Variants in NUSAP1 observed in about 807,000 individuals in gnomAD.
NUSAP1 encodes the protein nucleolar and spindle associated protein 1.
NUSAP1 carries 32 observed loss-of-function variants against 52.8 expected under a neutral mutation model. That is an observed-to-expected ratio of 0.61 (90% confidence interval 0.46 to 0.81). The LOEUF (loss-of-function observed/expected upper bound fraction) is 0.81, where lower values mean the gene tolerates loss of function less well. NUSAP1 is among the 40% of genes least tolerant of loss of function. The pLI, the probability that NUSAP1 is intolerant of heterozygous loss-of-function variation, is 0.00. For synonymous variants in NUSAP1, 195 were observed against 183.1 expected (o/e 1.06, Z -0.52); for missense variants, 499 against 522.3 (o/e 0.96, Z 0.43).
At position 41,351,032 on chromosome 15, in the gene NUSAP1, G is replaced by T. The variant is rs375966047; in HGVS notation, c.351G>T (p.Gln117His). The T allele has an allele frequency of 6.2e-7, 1 of 1,613,200 alleles. No homozygotes were observed. Among genetic ancestry groups the T allele is most frequent in the African/African-American group, 1.3e-5 (1 of 74,888 alleles). ...EIKISNPTEF[Q>H]NHEKQESQDL... ...AAATAAGTAATCCCACTGAATTCCAGAATCATGAAAAGCAGGAAAGCCAGG... is the reference window on the plus strand; with the variant it reads ...AAATAAGTAATCCCACTGAATTCCATAATCATGAAAAGCAGGAAAGCCAGG... The change falls in exon 4 of 11, where the codon CAG (glutamine) becomes CAT (histidine). Residue 117 changes from glutamine to histidine, a missense_variant. Gln to His is a conservative substitution (Grantham distance 24, BLOSUM62 0). Transcript: ENST00000559596.
chr15:41,348,593 A>G (rs2140606248), intron 2 of NUSAP1, among the ~76,000 whole-genome samples: 1 of 152,258 alleles, frequency 6.6e-6, no homozygotes, highest in Admixed American at 6.5e-5. Flanking sequence ...TGGGTTGCTA[A>G]GTGTGATTAT....
chr15:41,344,658 A>G (rs1341861986), intron 2 of NUSAP1, among the ~76,000 whole-genome samples: 7 of 151,880 alleles, frequency 4.6e-5, no homozygotes, highest in African/African-American at 7.3e-5. Context: ...GACAAAAACC[A>G]GGCTGGGCAC....
intron 10 of NUSAP1, among the ~76,000 whole-genome samples, 161 bp downstream of exon 10, chr15:41,377,465 C>T (rs1424230563): frequency 3.3e-5 from 5 of 151,870 alleles, no homozygotes; most frequent in African/African-American, 4.8e-5. Flanking sequence ...TTTGGGAGGC[C>T]GAGGTGGGCG....
At chr15:41,357,876 C>A (rs2049029961) in intron 5 of NUSAP1, among the ~76,000 whole-genome samples, 1 of 152,122 alleles carries the variant, frequency 6.6e-6, no homozygotes, top group Admixed American at 6.6e-5. Context: ...GAAGATAAAT[C>A]TTCTACTCTA....
intron 5 of NUSAP1, among the ~76,000 whole-genome samples, chr15:41,356,424 G>C (rs1417980763): frequency 7.3e-6 from 1 of 137,760 alleles, no homozygotes; most frequent in East Asian, 2.2e-4. Context: ...GCGTGAGCTT[G>C]GCTCACTGCT....
At chr15:41,378,944 G>GGTTTTTTTTTTTTTT (rs1253258207) in intron 10 of NUSAP1, among the ~76,000 whole-genome samples, 5 of 63,260 alleles carry the variant, frequency 7.9e-5, no homozygotes, top group African/African-American at 3.5e-4. Flanking sequence ...ACTTATCTTG[G>GGTTTTTTTTTTTTTT]TTTTTTTTTT....
chr15:41,358,000 A>C, intron 5 of NUSAP1, 149 bp from the exon 6 acceptor site: 1 of 499,738 alleles, frequency 2.0e-6, no homozygotes, highest in Non-Finnish European at 3.6e-6. Flanking sequence ...CCAAAAACTA[A>C]GTATTTTGAA....
intron 7 of NUSAP1, among the ~76,000 whole-genome samples, chr15:41,367,578 T>C (rs1019161255): frequency 3.3e-5 from 5 of 152,068 alleles, no homozygotes; most frequent in Non-Finnish European, 7.4e-5. Flanking sequence ...GGCGGGTAGA[T>C]AATGCACACC....
intron 1 of NUSAP1, among the ~76,000 whole-genome samples, chr15:41,333,721 G>A (rs1206187529): frequency 6.6e-6 from 1 of 152,170 alleles, no homozygotes; most frequent in Non-Finnish European, 1.5e-5. Context: ...AGGAGTTCGA[G>A]ACCAGCCTGG....
chr15:41,332,929 TC>T lies in NUSAP1; in HGVS notation c.-27del, dbSNP rs1160663980. The T allele has an allele frequency of 1.9e-6, 3 of 1,560,018 alleles. No individual in the cohort carries two copies. The highest frequency in any genetic ancestry group is 2.7e-5 in the African/African-American group (2 of 73,788). On this transcript the variant is annotated 5_prime_UTR_variant, in exon 1 of 11. Coordinates refer to ENST00000559596, the MANE Select transcript of NUSAP1 (RefSeq NM_016359.5). Reference sequence around the variant, plus strand: ...GCTGACGAAGTTTGGTGATCCATCTTCCGAGTATCGCCGGGATTTCGAATCG... The same window carrying T: ...GCTGACGAAGTTTGGTGATCCATCTTCGAGTATCGCCGGGATTTCGAATCG...
At chr15:41,336,350 CA>C (rs1249372587) in intron 1 of NUSAP1, among the ~76,000 whole-genome samples, 1 of 151,368 alleles carries the variant, frequency 6.6e-6, no homozygotes, top group East Asian at 1.9e-4. Flanking sequence ...AATGGTATAG[CA>C]ATTTGAAGGA....
At chr15:41,352,207 G>T (rs575164357) in intron 4 of NUSAP1, among the ~76,000 whole-genome samples, 1 of 152,168 alleles carries the variant, frequency 6.6e-6, no homozygotes, top group Admixed American at 6.5e-5. Flanking sequence ...CTCCCAAAGT[G>T]CTGAGATTAC....
At chr15:41,345,225 C>G (rs2048520090) in intron 2 of NUSAP1, among the ~76,000 whole-genome samples, 1 of 151,934 alleles carries the variant, frequency 6.6e-6, no homozygotes, top group South Asian at 2.1e-4. Context: ...GTCTCAAACT[C>G]CTGGGCTCAA....
chr15:41,378,800 G>A (rs2050081640), intron 10 of NUSAP1, among the ~76,000 whole-genome samples: 1 of 150,840 alleles, frequency 6.6e-6, no homozygotes, highest in Non-Finnish European at 1.5e-5. Flanking sequence ...AAAGTCAAAG[G>A]TCAAGCTCAA....
intron 1 of NUSAP1, among the ~76,000 whole-genome samples, chr15:41,336,180 G>T (rs1408166276): frequency 6.6e-6 from 1 of 151,364 alleles, no homozygotes; most frequent in Non-Finnish European, 1.5e-5. Context: ...GAGGAGAATT[G>T]CTTGAACCCA....
rs76739965 is a variant in NUSAP1, at chr15:41,340,384, G to A, written c.94-2002G>A. Among the ~76,000 whole-genome samples, 464 of 152,076 alleles carry A rather than the reference G, an allele frequency of 3.1e-3. 11 individuals are homozygous for A. The East Asian group carries it at 0.055, about 18-fold the overall frequency. ...TTATTTTTGCATCATAATACCTGAC[G>A]TCATATCATTCATTTCTAGCTTTCT... On this transcript the variant is annotated intron_variant, in intron 1 of 10. Coordinates refer to ENST00000559596, the MANE Select transcript of NUSAP1 (RefSeq NM_016359.5).
intron 1 of NUSAP1, among the ~76,000 whole-genome samples, chr15:41,337,762 G>A (rs775810678): frequency 5.3e-5 from 8 of 151,896 alleles, no homozygotes; most frequent in African/African-American, 1.7e-4. Flanking sequence ...GATATTTCAC[G>A]CTGTCCTGCC....
intron 1 of NUSAP1, among the ~76,000 whole-genome samples, chr15:41,338,003 G>A (rs1275145702): frequency 1.4e-5 from 2 of 146,408 alleles, no homozygotes; most frequent in Admixed American, 1.4e-4. Context: ...CGCAATCTCG[G>A]CTCACTGCAA....
chr15:41,379,000 C>T (rs370908630), intron 10 of NUSAP1, among the ~76,000 whole-genome samples: 2 of 115,076 alleles, frequency 1.7e-5, no homozygotes, highest in East Asian at 6.1e-4. Flanking sequence ...GATGCCCAGG[C>T]TAGAGTGTGG....
Sources: gnomAD v4.1 joint callset for allele counts (sites outside exome capture counted in the v4.1 genomes callset) on GRCh38, gnomAD v4.1.1 for gene constraint, MANE v1.5 for transcripts, NCBI Gene and HGNC (gene_info 2026-07-23, HGNC 2026-07-21) for gene names.